The following SDK1 variants were observed in gnomAD, a reference collection of about 807,000 sequenced individuals.
SDK1 encodes sidekick cell adhesion molecule 1, also known as protein sidekick-1.
Under a neutral mutation model 245.5 loss-of-function variants are expected in SDK1, and 157 were observed. That is an observed-to-expected ratio of 0.64 (90% CI 0.56 to 0.73). The LOEUF (loss-of-function observed/expected upper bound fraction) is 0.73, where lower values mean the gene tolerates loss of function less well. Ranked by LOEUF, SDK1 falls within the 30% of genes least tolerant of loss-of-function variation. The probability of loss-of-function intolerance (pLI) is 0.00; values close to 1 mark genes in which losing one functional copy is unlikely to be tolerated. For synonymous variants in SDK1, 1,647 were observed against 1,278.5 expected (o/e 1.29, Z -6.15); for missense variants, 3,583 against 3,002.3 (o/e 1.19, Z -4.52).
intron 16 of SDK1, among the ~76,000 whole-genome samples, chr7:4,014,852 C>G (rs1786268607): frequency 6.6e-6 from 1 of 152,170 alleles, no homozygotes; most frequent in East Asian, 1.9e-4. Flanking sequence ...CATCCTGTGA[C>G]TATCACAAAA....
At chr7:3,647,051 A>G (rs956566717) in intron 4 of SDK1, among the ~76,000 whole-genome samples, 2 of 152,204 alleles carry the variant, frequency 1.3e-5, no homozygotes, top group Non-Finnish European at 2.9e-5. Context: ...AACAGTGTGA[A>G]TGCACTTAAT....
intron 44 of SDK1, among the ~76,000 whole-genome samples, chr7:4,255,914 C>CTTTTTTTT (rs34810935): frequency 9.6e-6 from 1 of 104,100 alleles, no homozygotes; most frequent in Non-Finnish European, 1.8e-5. Flanking sequence ...TTTCCAAATA[C>CTTTTTTTT]TTTTTTTTTT....
At chr7:3,406,756 C>T (rs2128575791) in intron 1 of SDK1, among the ~76,000 whole-genome samples, 1 of 152,154 alleles carries the variant, frequency 6.6e-6, no homozygotes, top group East Asian at 1.9e-4. Context: ...TGCACAATGT[C>T]CATGTAGGAA....
At chr7:3,996,101 C>T (rs1188725764) in intron 14 of SDK1, among the ~76,000 whole-genome samples, 12 of 152,210 alleles carry the variant, frequency 7.9e-5, no homozygotes, top group Non-Finnish European at 1.3e-4. Context: ...TATACTCTGG[C>T]ACACTACTTT....
At chr7:3,369,574 A>T (rs1384114073) in intron 1 of SDK1, among the ~76,000 whole-genome samples, 1 of 152,232 alleles carries the variant, frequency 6.6e-6, no homozygotes, top group East Asian at 1.9e-4. Context: ...TCCTGAAATC[A>T]ACATTTGTTC....
intron 1 of SDK1, among the ~76,000 whole-genome samples, chr7:3,343,334 T>G (rs1780404298): frequency 6.6e-6 from 1 of 152,176 alleles, no homozygotes; most frequent in Admixed American, 6.5e-5. Context: ...CTTCTCACAA[T>G]AAAAAGGGCC....
At chr7:3,662,235 T>C (rs1018881309) in intron 4 of SDK1, among the ~76,000 whole-genome samples, 11 of 152,088 alleles carry the variant, frequency 7.2e-5, no homozygotes, top group African/African-American at 2.7e-4. Context: ...TTGAAATGGG[T>C]CCTACGGGAA....
intron 1 of SDK1, among the ~76,000 whole-genome samples, chr7:3,370,463 C>A (rs1403386697): frequency 6.6e-6 from 1 of 152,176 alleles, no homozygotes; most frequent in Non-Finnish European, 1.5e-5. Context: ...ACAGGAGCAG[C>A]CTGTAATCTG....
chr7:3,953,617 A>C (rs1026266782), intron 7 of SDK1, among the ~76,000 whole-genome samples: 19 of 152,226 alleles, frequency 1.2e-4, no homozygotes, highest in African/African-American at 4.6e-4. Context: ...CAAACATTTT[A>C]AGGTAATTTA....
chr7:4,203,520 T>C (rs1405772771), intron 35 of SDK1, among the ~76,000 whole-genome samples: 1 of 136,500 alleles, frequency 7.3e-6, no homozygotes, highest in African/African-American at 3.1e-5. Flanking sequence ...AATAATTTCA[T>C]GTATTTTTTT....
chr7:3,380,555 G>C (rs1236441223), intron 1 of SDK1, among the ~76,000 whole-genome samples: 1 of 152,208 alleles, frequency 6.6e-6, no homozygotes, highest in Non-Finnish European at 1.5e-5. Context: ...ACTTGAGATT[G>C]TATTAAGCTG....
At chr7:4,042,641 TC>T in intron 17 of SDK1, among the ~76,000 whole-genome samples, 1 of 91,826 alleles carries the variant, frequency 1.1e-5, no homozygotes. Context: ...GGAGGAAGTG[TC>T]CCTTGAGGCT....
intron 22 of SDK1, among the ~76,000 whole-genome samples, chr7:4,100,881 A>G (rs1782493063): frequency 6.6e-6 from 1 of 152,136 alleles, no homozygotes; most frequent in South Asian, 2.1e-4. Context: ...CTGTGGGTTA[A>G]CAAGGACCCC....
intron 4 of SDK1, among the ~76,000 whole-genome samples, chr7:3,802,533 TC>T (rs1779133511): frequency 6.7e-6 from 1 of 148,352 alleles, no homozygotes; most frequent in African/African-American, 2.5e-5. Context: ...AGACCCTATA[TC>T]AAAAAAAAAA....
At chr7:3,772,614 T>C (rs1032338312) in intron 4 of SDK1, among the ~76,000 whole-genome samples, 1 of 152,344 alleles carries the variant, frequency 6.6e-6, no homozygotes, top group African/African-American at 2.4e-5. Context: ...TACAAACTAG[T>C]GCTAAAATAA....
At chr7:4,024,783 A>G (rs933500064) in intron 17 of SDK1, among the ~76,000 whole-genome samples, 1 of 152,262 alleles carries the variant, frequency 6.6e-6, no homozygotes, top group African/African-American at 2.4e-5. Context: ...CTGGGCTCCC[A>G]AGCCCAGGCT....
At chr7:3,367,497 C>T (rs924651045) in intron 1 of SDK1, among the ~76,000 whole-genome samples, 2 of 152,192 alleles carry the variant, frequency 1.3e-5, no homozygotes, top group Non-Finnish European at 2.9e-5. Context: ...GAGTGCCATT[C>T]CCGGCATTTC....
chr7:4,114,403 C>T, intron 25 of SDK1, 129 bp downstream of exon 25: 2 of 736,726 alleles, frequency 2.7e-6, no homozygotes, highest in Non-Finnish European at 4.3e-6. Context: ...TTGGAGCTTT[C>T]CTAATCCCGG....
intron 1 of SDK1, among the ~76,000 whole-genome samples, chr7:3,527,554 A>C (rs1175006193): frequency 6.6e-6 from 1 of 152,120 alleles, no homozygotes; most frequent in Non-Finnish European, 1.5e-5. Context: ...CTAGTGGGTG[A>C]GTGGTAGGAG....
Sources: allele counts gnomAD v4.1 joint callset (sites outside exome capture counted in the v4.1 genomes callset), GRCh38; gene constraint gnomAD v4.1.1; transcripts MANE v1.5; gene names NCBI Gene and HGNC (gene_info 2026-07-23, HGNC 2026-07-21).